Variants in NEDD4L observed in about 807,000 individuals in gnomAD.
NEDD4L encodes the protein NEDD4 like E3 ubiquitin protein ligase, also known as E3 ubiquitin-protein ligase NEDD4-like.
In NEDD4L, 54 loss-of-function variants were observed where a neutral mutation model predicts 148.9. The observed-to-expected ratio is 0.36, with a 90% confidence interval of 0.29 to 0.45. NEDD4L has a LOEUF of 0.45. Among genes scored for constraint, NEDD4L ranks in the 20% least tolerant of loss-of-function variants. NEDD4L has a pLI of 1.00. For synonymous variants in NEDD4L, 433 were observed against 440.7 expected (o/e 0.98, Z 0.22); for missense variants, 856 against 1,233.8 (o/e 0.69, Z 4.59).
intron 1 of NEDD4L, among the ~76,000 whole-genome samples, chr18:58,087,681 C>G (rs1206931439): frequency 2.0e-5 from 3 of 152,072 alleles, no homozygotes; most frequent in East Asian, 1.9e-4. Flanking sequence ...TTGAGACCAT[C>G]CTGACCAACA....
chr18:58,098,839 G>A (rs1030193540), intron 1 of NEDD4L, among the ~76,000 whole-genome samples: 1 of 152,164 alleles, frequency 6.6e-6, no homozygotes, highest in Non-Finnish European at 1.5e-5. Flanking sequence ...GTATCAAATT[G>A]CTGACGTCTC....
At chr18:58,097,017 G>T (rs1234867418) in intron 1 of NEDD4L, among the ~76,000 whole-genome samples, 1 of 152,112 alleles carries the variant, frequency 6.6e-6, no homozygotes, top group African/African-American at 2.4e-5. Flanking sequence ...TCAGAACTTT[G>T]TATGAAAGTC....
chr18:58,180,115 C>T (rs777854887), intron 2 of NEDD4L, among the ~76,000 whole-genome samples: 23 of 152,354 alleles, frequency 1.5e-4, no homozygotes, highest in Middle Eastern at 3.4e-3. Context: ...GCAAACACTT[C>T]GGTGACTGTG....
intron 1 of NEDD4L, among the ~76,000 whole-genome samples, chr18:58,087,202 A>G (rs1268160873): frequency 6.6e-6 from 1 of 152,226 alleles, no homozygotes; most frequent in Non-Finnish European, 1.5e-5. Context: ...CCTTAGCTAC[A>G]TTCAGCCATC....
chr18:58,087,303 G>C (rs1304235802), intron 1 of NEDD4L, among the ~76,000 whole-genome samples: 3 of 152,092 alleles, frequency 2.0e-5, no homozygotes, highest in Admixed American at 2.0e-4. Flanking sequence ...TCCTTTTCCA[G>C]TTTCCAGTAA....
Position 58,044,698 on chromosome 18 carries a change from C to G in NEDD4L, c.38C>G (p.Ser13Cys), listed in dbSNP as rs1392756435. ...TGLGEPVYGL[S>C]EDEGESRILR... is the part of the protein sequence containing the mutation. ...CTCGGGGAGCCGGTCTATGGACTTT[C>G]CGAAGACGAGGTGAGTGGCACCCCC... Residue 13 changes from serine (S) to cysteine (C), a missense_variant, in exon 1 of 31, where the codon TCC becomes TGC. Coordinates refer to ENST00000400345, the MANE Select transcript of NEDD4L (RefSeq NM_001144967.3). 6.2e-7 allele frequency: 1 copy of G among 1,608,504 alleles called. No homozygotes were observed.
chr18:58,166,577 T>A (rs2036871222), intron 2 of NEDD4L, among the ~76,000 whole-genome samples: 1 of 152,230 alleles, frequency 6.6e-6, no homozygotes, highest in African/African-American at 2.4e-5. Context: ...AGTGATGTTC[T>A]AGTCCAACTT....
chr18:58,256,872 T>A lies in NEDD4L; in HGVS notation c.297+4818T>A. 1 of 1,096,912 alleles carries A rather than the reference T, an allele frequency of 9.1e-7. No individual in the cohort carries two copies. Among genetic ancestry groups the A allele is most frequent in the Non-Finnish European group, 1.2e-6 (1 of 865,538 alleles). 67.9% of individuals were successfully genotyped at this position (1,096,912 alleles called of 1,614,324 possible). On this transcript the variant is annotated intron_variant, in intron 5 of 30. Coordinates refer to ENST00000400345, the MANE Select transcript of NEDD4L (RefSeq NM_001144967.3). This position sits in a 1 kb window ranked among gnomAD's most constrained non-coding sequence, Gnocchi z 5.2. ...AAAACCTCACCCTCTGTTCCGGGAG[T>A]TTCCCTGCTTCAGGCCAGTGGATCT... is the stretch of plus-strand genomic sequence containing the variant.
chr18:58,114,460 T>G (rs1568235132), intron 1 of NEDD4L, among the ~76,000 whole-genome samples: 1 of 152,112 alleles, frequency 6.6e-6, no homozygotes, highest in Non-Finnish European at 1.5e-5. Flanking sequence ...AGTCAAGAGA[T>G]TTTTTAAAAC....
intron 2 of NEDD4L, among the ~76,000 whole-genome samples, chr18:58,228,069 C>T (rs2044586816): frequency 1.3e-5 from 2 of 152,236 alleles, no homozygotes; most frequent in South Asian, 4.2e-4. Flanking sequence ...TTTACCCTAC[C>T]CCACTCCAGC....
intron 5 of NEDD4L, among the ~76,000 whole-genome samples, chr18:58,262,636 A>G (rs1426247505): frequency 6.6e-6 from 1 of 151,876 alleles, no homozygotes; most frequent in African/African-American, 2.4e-5. Context: ...CTCAGGAAAA[A>G]AAAAAAAAAA....
In NEDD4L at chr18:58,104,482, G is replaced by A. The variant is rs146171731; in HGVS notation, c.48+59774G>A. ...GCTTAATTGTTTACTTTAAAATGGT[G>A]ATGTTATATGAATTTCACCTCGATT... On this transcript the variant is annotated intron_variant, in intron 1 of 30. Transcript: ENST00000400345. Among the ~76,000 whole-genome samples the A allele has an allele frequency of 2.4e-3, 361 of 152,286 alleles. 2 individuals are homozygous for A. The highest frequency in any genetic ancestry group is 7.9e-3 in the African/African-American group (329 of 41,548).
intron 4 of NEDD4L, among the ~76,000 whole-genome samples, chr18:58,251,765 C>T (rs1018028935): frequency 6.6e-6 from 1 of 152,138 alleles, no homozygotes; most frequent in Non-Finnish European, 1.5e-5. Context: ...TTTAGAAAAA[C>T]AGCTAAGAGC....
At chr18:58,062,395 C>T (rs912701299) in intron 1 of NEDD4L, among the ~76,000 whole-genome samples, 2 of 152,024 alleles carry the variant, frequency 1.3e-5, no homozygotes, top group Non-Finnish European at 2.9e-5. Flanking sequence ...AGGGGCATTT[C>T]GGGGTGGAAT....
At chr18:58,214,800 A>ATTT (rs60043101) in intron 2 of NEDD4L, among the ~76,000 whole-genome samples, 14 of 123,352 alleles carry the variant, frequency 1.1e-4, no homozygotes, top group East Asian at 4.3e-4. Flanking sequence ...TCTTTCTTTC[A>ATTT]TTTTTTTTTT....
rs76190747 is a variant in NEDD4L at position 58,133,388 on chromosome 18, C to T, written c.49-32400C>T. 2.3e-3 allele frequency among the ~76,000 whole-genome samples: 350 copies of T among 152,282 alleles called. 4 individuals carry two copies. The highest frequency in any genetic ancestry group is 8.2e-3 in the African/African-American group (339 of 41,550). On this transcript the variant is annotated intron_variant, in intron 1 of 30. Transcript: ENST00000400345. ...TCTTGCCCCAGTGAGCGGGCTCTCA[C>T]CTCCCTTCTATAGATGAGGTTGGAG...
chr18:58,048,520 A>G lies in NEDD4L; in HGVS notation c.48+3812A>G, dbSNP rs34208996. ...GGACACAAAACAAGTTAAGTTATGG[A>G]GCCAGCTATTTTGAATAGAAAGGCC... On this transcript the variant is annotated intron_variant, in intron 1 of 30. Coordinates refer to ENST00000400345, the MANE Select transcript of NEDD4L (RefSeq NM_001144967.3). 6.2e-3 allele frequency among the ~76,000 whole-genome samples: 939 copies of G among 152,330 alleles called. 5 individuals carry two copies. Among genetic ancestry groups the G allele is most frequent in the Non-Finnish European group, 7.1e-3 (484 of 68,036 alleles).
At chr18:58,077,060 A>C (rs138524069) in intron 1 of NEDD4L, among the ~76,000 whole-genome samples, 27 of 150,546 alleles carry the variant, frequency 1.8e-4, no homozygotes, top group African/African-American at 5.6e-4. Context: ...CTAACAGGCC[A>C]GTCTGGTCTT....
chr18:58,309,281 C>G (rs541823186), intron 5 of NEDD4L, among the ~76,000 whole-genome samples: 1 of 152,166 alleles, frequency 6.6e-6, no homozygotes, highest in African/African-American at 2.4e-5. Flanking sequence ...TCCTGTCATC[C>G]CTGCTCTGTC....
Sources: gnomAD v4.1 joint callset for allele counts (sites outside exome capture counted in the v4.1 genomes callset) on GRCh38, gnomAD v4.1.1 for gene constraint, Gnocchi (gnomAD v3.1) non-coding constraint, MANE v1.5 for transcripts, NCBI Gene and HGNC (gene_info 2026-07-23, HGNC 2026-07-21) for gene names.